BCORL1: variants seen among roughly 807,000 people sequenced by gnomAD.
The protein encoded by BCORL1 is BCL6 corepressor like 1.
BCORL1 carries 7 observed loss-of-function variants against 87.6 expected under a neutral mutation model. The observed-to-expected ratio is 0.08, with a 90% CI of 0.05 to 0.15. The LOEUF is 0.15. BCORL1 is among the 10% of genes least tolerant of loss of function. BCORL1 has a pLI of 1.00. For missense variants in BCORL1, 1,215 were observed against 1,499.7 expected, an observed-to-expected ratio of 0.81 and a Z score of 3.13; for synonymous variants, 591 against 634.4, an observed-to-expected ratio of 0.93 and a Z score of 1.03.
chrX:130,045,786 T>C (rs996364310), intron 11 of BCORL1, among the ~76,000 whole-genome samples: 21 of 109,289 alleles, frequency 1.9e-4, no homozygotes, highest in African/African-American at 7.0e-4. Context: ...CCAAAATAAT[T>C]ATTGCATTTT....
chrX:130,016,388 T>C (rs2124457083), intron 4 of BCORL1, among the ~76,000 whole-genome samples, 175 bp downstream of exon 4: 1 of 111,936 alleles, frequency 8.9e-6, no homozygotes, highest in Non-Finnish European at 1.9e-5. Flanking sequence ...GTCCCCTCCC[T>C]AGGTCACATT....
At chrX:129,986,838 C>CA (rs1377248329) in intron 1 of BCORL1, among the ~76,000 whole-genome samples, 3 of 109,861 alleles carry the variant, frequency 2.7e-5, no homozygotes, top group Admixed American at 9.7e-5. Context: ...AACAAAAAAA[C>CA]AAAAAAACAA....
intron 1 of BCORL1, among the ~76,000 whole-genome samples, chrX:129,994,272 T>C (rs780369048): frequency 8.9e-6 from 1 of 111,876 alleles, no homozygotes; most frequent in South Asian, 3.7e-4. Context: ...GGTGCTAGAG[T>C]ATATCACTTT....
intron 1 of BCORL1, among the ~76,000 whole-genome samples, chrX:129,991,209 T>A (rs1191873769): frequency 9.0e-6 from 1 of 111,226 alleles, no homozygotes; most frequent in African/African-American, 3.3e-5. Context: ...CTCCTTCTCC[T>A]TGTTTCAAGT....
intron 5 of BCORL1, chrX:130,021,388 C>T: frequency 2.0e-6 from 1 of 511,084 alleles, no homozygotes; most frequent in Non-Finnish European, 2.4e-6. Context: ...TTTTCCGACA[C>T]AAACACCAGG....
chrX:130,016,136 G>A lies in BCORL1; in HGVS notation c.3364G>A (p.Gly1122Ser), dbSNP rs763773413. 1.2e-5 allele frequency: 14 copies of A among 1,211,194 alleles called. No individual in the cohort carries two copies. The highest frequency in any genetic ancestry group is 1.6e-5 in the Non-Finnish European group (14 of 895,481). Residue 1122 changes from glycine (G) to serine (S), a missense_variant, in exon 4 of 14, where the codon GGC (glycine) becomes AGC (serine). Transcript: ENST00000540052. ...ESLPPKKMKCGKEKDSEEQQL... is the reference protein window; with the variant it reads ...ESLPPKKMKCSKEKDSEEQQL... ...TCTGCCGCCCAAGAAGATGAAGTGC[G>A]GCAAAGAGAAGGACAGTGAAGAGCA...
At chrX:130,004,693 T>C (rs1046174092) in intron 1 of BCORL1, among the ~76,000 whole-genome samples, 1 of 112,063 alleles carries the variant, frequency 8.9e-6, no homozygotes, top group African/African-American at 3.2e-5. Context: ...TGGAGTATTT[T>C]TGAAGGACTT....
chrX:130,000,032 A>G (rs943363964), intron 1 of BCORL1, among the ~76,000 whole-genome samples: 1 of 109,607 alleles, frequency 9.1e-6, no homozygotes, highest in Non-Finnish European at 1.9e-5. Context: ...GTATCAGCCA[A>G]TAGGCTGAGC....
intron 11 of BCORL1, among the ~76,000 whole-genome samples, chrX:130,047,478 C>T (rs892793042): frequency 4.5e-5 from 5 of 112,271 alleles, no homozygotes; most frequent in Admixed American, 9.5e-5. Flanking sequence ...TCTTTGCTCA[C>T]GCCAGTTAAC....
intron 4 of BCORL1, among the ~76,000 whole-genome samples, chrX:130,017,411 T>C: frequency 9.0e-6 from 1 of 110,953 alleles, no homozygotes; most frequent in Non-Finnish European, 1.9e-5. Context: ...AGAATAATAA[T>C]TCATGTCGTT....
chrX:129,999,297 CTTTTTTTTTTT>C (rs1213156086), intron 1 of BCORL1, among the ~76,000 whole-genome samples: 3 of 39,107 alleles, frequency 7.7e-5, no homozygotes, highest in African/African-American at 1.1e-4. Context: ...TGAAACACAT[CTTTTTTTTTTT>C]TTTTTTTTTT....
intron 5 of BCORL1, chrX:130,021,403 C>A: frequency 2.4e-6 from 1 of 420,420 alleles, no homozygotes; most frequent in Non-Finnish European, 3.0e-6. Flanking sequence ...ACCAGGCCCA[C>A]AACACAGTAG....
intron 1 of BCORL1, among the ~76,000 whole-genome samples, chrX:129,994,599 C>T (rs953442721): frequency 9.0e-6 from 1 of 111,311 alleles, no homozygotes; most frequent in African/African-American, 3.3e-5. Flanking sequence ...CCTTTGTATC[C>T]AGTCTCATAA....
chrX:130,034,682 G>C lies in BCORL1; in HGVS notation c.4527+6G>C, dbSNP rs1289099481. ...CGGCGCGTCTTGGCTATAAGGTAAG[G>C]GAGTTTTCGACTGACCACAGGGCGC... On this transcript the variant is annotated splice_donor_region_variant and intron_variant, in intron 9 of 13. Transcript: ENST00000540052. 36 of 974,725 alleles carry C rather than the reference G, an allele frequency of 3.7e-5. No homozygotes were observed. The highest frequency in any genetic ancestry group is 4.7e-5 in the Non-Finnish European group (35 of 750,542). The allele number at this position is 974,725 out of a possible 1,213,427, so 80.3% of individuals were successfully genotyped here. A position where few individuals can be genotyped will look rare whatever the true frequency, so the allele number is the denominator to read the frequency against.
intron 9 of BCORL1, among the ~76,000 whole-genome samples, chrX:130,036,900 C>G (rs1408575205): frequency 8.9e-6 from 1 of 112,202 alleles, no homozygotes; most frequent in African/African-American, 3.2e-5. Flanking sequence ...AACCCTAACA[C>G]TTTGGGAAGC....
chrX:130,036,462 T>C (rs887864717), intron 9 of BCORL1, among the ~76,000 whole-genome samples: 1 of 111,124 alleles, frequency 9.0e-6, no homozygotes, highest in African/African-American at 3.3e-5. Flanking sequence ...GGTTTTGCCA[T>C]GTTGGCTAGG....
At chrX:129,985,163 T>A (rs1926496334) in intron 1 of BCORL1, among the ~76,000 whole-genome samples, 2 of 112,189 alleles carry the variant, frequency 1.8e-5, no homozygotes, top group Admixed American at 9.5e-5. Context: ...CTTAGAAGGC[T>A]CTTTCTCAAA....
intron 1 of BCORL1, among the ~76,000 whole-genome samples, chrX:129,986,040 A>G (rs959825426): frequency 1.8e-5 from 2 of 110,773 alleles, no homozygotes; most frequent in East Asian, 5.7e-4. Flanking sequence ...TAGTAGAGAC[A>G]GGGTTTCGCC....
chrX:130,000,894 CTTTGTG>C (rs1311250061), intron 1 of BCORL1, among the ~76,000 whole-genome samples: 4 of 89,158 alleles, frequency 4.5e-5, no homozygotes, highest in African/African-American at 2.0e-4. Flanking sequence ...ATGGTGGATG[CTTTGTG>C]TGTGTGTGTG....
Sources: gnomAD v4.1 joint callset for allele counts (sites outside exome capture counted in the v4.1 genomes callset) on GRCh38, gnomAD v4.1.1 for gene constraint, MANE v1.5 for transcripts, NCBI Gene and HGNC (gene_info 2026-07-23, HGNC 2026-07-21) for gene names.